CCSER2: variants seen among roughly 807,000 people sequenced by gnomAD.
CCSER2 encodes coiled-coil serine rich protein 2.
Under a neutral mutation model 92.3 loss-of-function variants are expected in CCSER2, and 46 were observed. The observed-to-expected ratio is 0.50, with a 90% CI of 0.39 to 0.64. The LOEUF is 0.64. Ranked by LOEUF, CCSER2 falls within the 30% of genes least tolerant of loss-of-function variation. The probability of loss-of-function intolerance (pLI) is 0.00; values close to 1 mark genes in which losing one functional copy is unlikely to be tolerated. For synonymous variants in CCSER2, 433 were observed against 431.4 expected, an observed-to-expected ratio of 1.00 and a Z score of -0.04; for missense variants, 1,244 against 1,238.9, an observed-to-expected ratio of 1.00 and a Z score of -0.06.
chr10:84,486,181 G>A (rs1847798360), intron 9 of CCSER2, among the ~76,000 whole-genome samples: 1 of 152,096 alleles, frequency 6.6e-6, no homozygotes. Context: ...CTTTGCTATT[G>A]TGAATAGTGC....
intron 6 of CCSER2, among the ~76,000 whole-genome samples, chr10:84,457,673 T>TATA (rs576531119): frequency 0.19 from 24,284 of 124,642 alleles, 2,724 homozygotes; most frequent in Admixed American, 0.31. Flanking sequence ...TAATTTTAGT[T>TATA]ATTATATAAA....
At chr10:84,349,872 G>A (rs1844765269) in intron 1 of CCSER2, among the ~76,000 whole-genome samples, 1 of 151,974 alleles carries the variant, frequency 6.6e-6, no homozygotes. Context: ...AAATCAGATC[G>A]GCCAGGTGCA....
chr10:84,450,075 T>C (rs1845181657), intron 6 of CCSER2, among the ~76,000 whole-genome samples: 1 of 152,180 alleles, frequency 6.6e-6, no homozygotes, highest in Non-Finnish European at 1.5e-5. Flanking sequence ...TTTTAATTGC[T>C]CACAATTTTA....
chr10:84,440,063 C>T (rs1844431372), intron 6 of CCSER2, among the ~76,000 whole-genome samples: 1 of 152,130 alleles, frequency 6.6e-6, no homozygotes, highest in Admixed American at 6.5e-5. Flanking sequence ...GACTAAATAG[C>T]AGCTAATAAG....
At chr10:84,469,880 T>G (rs1355284176) in intron 7 of CCSER2, among the ~76,000 whole-genome samples, 1 of 152,112 alleles carries the variant, frequency 6.6e-6, no homozygotes, top group Non-Finnish European at 1.5e-5. Context: ...TTTGCTGATT[T>G]GTAAACCAGC....
intron 1 of CCSER2, among the ~76,000 whole-genome samples, chr10:84,347,444 T>A (rs1564584620): frequency 6.8e-6 from 1 of 146,104 alleles, no homozygotes; most frequent in Non-Finnish European, 1.5e-5. Context: ...ACGGGTCGGC[T>A]GGCCGGGCGG....
chr10:84,507,073 G>A (rs1022902035), intron 9 of CCSER2, among the ~76,000 whole-genome samples: 2 of 152,080 alleles, frequency 1.3e-5, no homozygotes, highest in African/African-American at 4.8e-5. Context: ...GTACTAACTC[G>A]CAAATTACTT....
chr10:84,365,225 T>A (rs771374059), intron 1 of CCSER2, among the ~76,000 whole-genome samples: 1 of 152,220 alleles, frequency 6.6e-6, no homozygotes, highest in Non-Finnish European at 1.5e-5. Context: ...TATCATTAGA[T>A]GATGTAGGCA....
chr10:84,458,225 A>G (rs767349656), intron 6 of CCSER2, among the ~76,000 whole-genome samples: 15 of 152,188 alleles, frequency 9.9e-5, no homozygotes, highest in Non-Finnish European at 1.9e-4. Flanking sequence ...TGTATGTGGT[A>G]TGAGTTATGG....
In CCSER2 at chr10:84,490,715, C is replaced by A. The variant is rs555220628; in HGVS notation, c.2325+13051C>A. Among the ~76,000 whole-genome samples, 10 of 152,276 alleles carry A rather than the reference C, an allele frequency of 6.6e-5. No individual in the cohort carries two copies. In the South Asian group the frequency reaches 2.1e-3, roughly 32 times the overall value. Reference sequence around the variant, plus strand: ...CTCCTTTAGTTTGAAGAAGTTTGATCTTCTGAAGCCTTCTTCTCTCAACTT... The same window carrying A: ...CTCCTTTAGTTTGAAGAAGTTTGATATTCTGAAGCCTTCTTCTCTCAACTT... On this transcript the variant is annotated intron_variant, in intron 9 of 9. Coordinates refer to ENST00000372088, the MANE Select transcript of CCSER2 (RefSeq NM_001284240.2).
rs1196929950 is a variant in CCSER2, at chr10:84,513,454, A to G, written c.2331A>G (p.Gln777=). The change falls in exon 10 of 10, where the codon CAA becomes CAG. Residue 777 remains glutamine (Q), a synonymous_variant. Coordinates refer to ENST00000372088, the MANE Select transcript of CCSER2 (RefSeq NM_001284240.2). Reference sequence around the variant, plus strand: ...GTTGTTTTTAATTTTAACAGCCTCAAGTACTACAGCCTTCCAGCAGCCTTC... The same window carrying G: ...GTTGTTTTTAATTTTAACAGCCTCAGGTACTACAGCCTTCCAGCAGCCTTC... ...TQTPWRRIPP[Q]VLQPSSSLPR... is the part of the protein sequence containing the mutation. The G allele has an allele frequency of 2.5e-6, 4 of 1,593,182 alleles. No homozygotes were observed. The highest frequency in any genetic ancestry group is 3.4e-6 in the Non-Finnish European group (4 of 1,170,514).
At chr10:84,482,053 G>A (rs1253690559) in intron 9 of CCSER2, among the ~76,000 whole-genome samples, 1 of 152,078 alleles carries the variant, frequency 6.6e-6, no homozygotes, top group Non-Finnish European at 1.5e-5. Context: ...TGGACCTAAT[G>A]ATATCTACTT....
In CCSER2 at chr10:84,496,622, G is replaced by A. The variant is rs371077163; in HGVS notation, c.2326-16827G>A. On this transcript the variant is annotated intron_variant, in intron 9 of 9. Coordinates refer to ENST00000372088, the MANE Select transcript of CCSER2 (RefSeq NM_001284240.2). ...CCTTTCTGATGGGAATGGGGGCTGG[G>A]GCCACAGGTTTTTCTGTGGTGTTAG... Among the ~76,000 whole-genome samples, 11 of 152,286 alleles carry A rather than the reference G, an allele frequency of 7.2e-5. No homozygotes were observed. The South Asian group carries it at 1.0e-3, about 14-fold the overall frequency.
intron 1 of CCSER2, among the ~76,000 whole-genome samples, chr10:84,344,205 G>C (rs1243592505): frequency 6.6e-6 from 1 of 152,094 alleles, no homozygotes; most frequent in African/African-American, 2.4e-5. Context: ...ATCTTAGATA[G>C]GATTTGTCTT....
At chr10:84,511,750 T>C (rs902320452) in intron 9 of CCSER2, among the ~76,000 whole-genome samples, 7 of 152,218 alleles carry the variant, frequency 4.6e-5, no homozygotes, top group Non-Finnish European at 1.0e-4. Context: ...TCAAGGTTTT[T>C]GATCACTTTG....
chr10:84,357,262 C>A (rs1313308578), intron 1 of CCSER2, among the ~76,000 whole-genome samples: 1 of 152,116 alleles, frequency 6.6e-6, no homozygotes, highest in Non-Finnish European at 1.5e-5. Flanking sequence ...AAACACATGT[C>A]TGTTAACCCC....
rs1849531060 is a variant in CCSER2, at chr10:84,514,538, C to G, written c.*271C>G. ...AAAGGCCCAAATCATGTTATCCATC[C>G]CTCTCCACGTCAGAAAATTCATAAT... On this transcript the variant is annotated 3_prime_UTR_variant, in exon 10 of 10. Transcript: ENST00000372088. 4.5e-6 allele frequency: 2 copies of G among 449,184 alleles called. No homozygotes were observed. Among genetic ancestry groups the G allele is most frequent in the Non-Finnish European group, 7.8e-6 (2 of 255,204 alleles). The allele number at this position is 449,184 out of a possible 1,614,324, so 27.8% of individuals were successfully genotyped here.
chr10:84,444,580 T>G (rs1465118575), intron 6 of CCSER2, among the ~76,000 whole-genome samples: 1 of 152,122 alleles, frequency 6.6e-6, no homozygotes, highest in Non-Finnish European at 1.5e-5. Flanking sequence ...CCAAGGCCTG[T>G]TGCACACAGT....
At chr10:84,411,472 G>A (rs1842646290) in intron 3 of CCSER2, among the ~76,000 whole-genome samples, 1 of 152,020 alleles carries the variant, frequency 6.6e-6, no homozygotes, top group Non-Finnish European at 1.5e-5. Flanking sequence ...TTTCCTCTCT[G>A]ATTTCTTTGA....
Sources: allele counts gnomAD v4.1 joint callset (sites outside exome capture counted in the v4.1 genomes callset), GRCh38; gene constraint gnomAD v4.1.1; transcripts MANE v1.5; gene names NCBI Gene and HGNC (gene_info 2026-07-23, HGNC 2026-07-21).